The following TP73 variants were observed in gnomAD, a reference collection of about 807,000 sequenced individuals.
TP73 encodes the protein tumor protein p73.
TP73 carries 25 observed loss-of-function variants against 62.5 expected under a neutral mutation model. The observed-to-expected ratio is 0.40, with a 90% CI of 0.29 to 0.56. The LOEUF (loss-of-function observed/expected upper bound fraction) is 0.56, where lower values mean the gene tolerates loss of function less well. Among genes scored for constraint, TP73 ranks in the 20% least tolerant of loss-of-function variants. The pLI, the probability that TP73 is intolerant of heterozygous loss-of-function variation, is 0.46. For synonymous variants in TP73, 423 were observed against 377.5 expected, an observed-to-expected ratio of 1.12 and a Z score of -1.40; for missense variants, 754 against 913.3, an observed-to-expected ratio of 0.83 and a Z score of 2.25.
intron 3 of TP73, among the ~76,000 whole-genome samples, chr1:3,686,318 C>T (rs1231830462): frequency 1.3e-5 from 2 of 152,234 alleles, no homozygotes; most frequent in East Asian, 1.9e-4. Context: ...TGAGGGATGC[C>T]TTAGCCACCT....
intron 10 of TP73, chr1:3,729,650 T>C (rs1885866): frequency 0.75 from 730,223 of 977,422 alleles, 278,567 homozygotes; most frequent in Non-Finnish European, 0.8. Flanking sequence ...CCCTGGGTCA[T>C]GGCCCTTGCT....
chr1:3,719,462 T>G (rs1640883636), intron 4 of TP73, among the ~76,000 whole-genome samples: 1 of 152,230 alleles, frequency 6.6e-6, no homozygotes, highest in Non-Finnish European at 1.5e-5. Flanking sequence ...CCCCTCCTCC[T>G]TCTGTCCCCA....
intron 1 of TP73, among the ~76,000 whole-genome samples, chr1:3,653,858 G>A (rs563415443): frequency 6.6e-5 from 10 of 152,312 alleles, no homozygotes; most frequent in African/African-American, 1.4e-4. Context: ...TATGCATTAC[G>A]TATGTAGTTT....
intron 5 of TP73, 87 bp from the exon 6 acceptor site, chr1:3,723,267 C>T: frequency 8.9e-7 from 1 of 1,123,116 alleles, no homozygotes; most frequent in Non-Finnish European, 1.3e-6. Context: ...CCCTTTGAAC[C>T]CGGCACAGGG....
rs547907730 is a variant in TP73, at chr1:3,705,376, C to T, written c.187-2173C>T. 1.5e-3 allele frequency among the ~76,000 whole-genome samples: 229 copies of T among 152,334 alleles called. 1 individual carries two copies. Among genetic ancestry groups the T allele is most frequent in the African/African-American group, 5.1e-3 (214 of 41,574 alleles). On this transcript the variant is annotated intron_variant, in intron 3 of 13. Transcript: ENST00000378295. The stretch of plus-strand genomic sequence containing the variant: ...GAAGTTAGGGAGGTTGTGGGGAGCG[C>T]GACAGACCAGGAAGGAGGCTGCAGT...
chr1:3,661,900 A>T (rs1257951287), intron 1 of TP73, among the ~76,000 whole-genome samples: 9 of 145,170 alleles, frequency 6.2e-5, no homozygotes, highest in African/African-American at 1.5e-4. Flanking sequence ...TTTATTTTTT[A>T]TTTTTTTTAA....
intron 4 of TP73, among the ~76,000 whole-genome samples, chr1:3,711,834 G>A (rs3819964): frequency 0.26 from 39,352 of 149,340 alleles, 5,769 homozygotes; most frequent in East Asian, 0.37. Flanking sequence ...GTGTGTGTGC[G>A]CGAGCGTGTG....
chr1:3,699,609 C>A lies in TP73; in HGVS notation c.187-7940C>A, dbSNP rs1250752932. On this transcript the variant is annotated intron_variant, in intron 3 of 13. Coordinates refer to ENST00000378295, the MANE Select transcript of TP73 (RefSeq NM_005427.4). The surrounding 1 kb of genome is among the most constrained non-coding windows in gnomAD (Gnocchi z 4.1). ...TGTCACGGGCACACCATGCACCATGCCATGGCTGCCAGTGGTGGATGAAGA... is the reference window on the plus strand; with the variant it reads ...TGTCACGGGCACACCATGCACCATGACATGGCTGCCAGTGGTGGATGAAGA... Among the ~76,000 whole-genome samples, 1 of 152,228 alleles carries A rather than the reference C, an allele frequency of 6.6e-6. No individual in the cohort carries two copies. The highest frequency in any genetic ancestry group is 1.5e-5 in the Non-Finnish European group (1 of 68,042).
Position 3,730,075 on chromosome 1 carries a change from G to A in TP73, c.1272G>A (p.Leu424=). 1 of 1,601,786 alleles carries A rather than the reference G, an allele frequency of 6.2e-7. No individual in the cohort carries two copies. The highest frequency in any genetic ancestry group is 8.5e-7 in the Non-Finnish European group (1 of 1,174,958). ...MNKVHGGMNK[L]PSVNQLVGQP... is the part of the protein sequence containing the mutation. ...AGGTGCACGGGGGCATGAACAAGCT[G>A]CCCTCCGTCAACCAGCTGGTGGGCC... Residue 424 remains leucine, a synonymous_variant, in exon 11 of 14, where the codon CTG becomes CTA. Coordinates refer to ENST00000378295, the MANE Select transcript of TP73 (RefSeq NM_005427.4).
chr1:3,686,873 C>T (rs528864104), intron 3 of TP73, among the ~76,000 whole-genome samples: 11 of 152,262 alleles, frequency 7.2e-5, no homozygotes, highest in East Asian at 1.9e-4. Flanking sequence ...CTATAAATGG[C>T]GCTACTGAGA....
chr1:3,659,802 C>A (rs1228010074), intron 1 of TP73, among the ~76,000 whole-genome samples: 2 of 152,022 alleles, frequency 1.3e-5, no homozygotes, highest in Non-Finnish European at 2.9e-5. Flanking sequence ...CTGCCTCAGC[C>A]TCCTGGAGTT....
intron 3 of TP73, among the ~76,000 whole-genome samples, chr1:3,703,616 A>T (rs17379833): frequency 0.33 from 50,864 of 152,252 alleles, 8,870 homozygotes; most frequent in Non-Finnish European, 0.38. Flanking sequence ...CTCAGATCAT[A>T]CAAGAATGTG....
intron 1 of TP73, among the ~76,000 whole-genome samples, chr1:3,669,563 G>A (rs1239711939): frequency 1.3e-5 from 2 of 152,232 alleles, no homozygotes; most frequent in African/African-American, 2.4e-5. Flanking sequence ...GCTGGGGGCC[G>A]CCATCCTCAG....
In TP73 at chr1:3,722,065, A is replaced by C; in HGVS notation, c.474A>C (p.Thr158=). 6.2e-7 allele frequency: 1 copy of C among 1,612,524 alleles called. No homozygotes were observed. Among genetic ancestry groups the C allele is most frequent in the Non-Finnish European group, 8.5e-7 (1 of 1,179,464 alleles). ...AACTCTACTGCCAGATCGCCAAGACATGCCCCATCCAGATCAAGGTGTCCA... is the reference window on the plus strand; with the variant it reads ...AACTCTACTGCCAGATCGCCAAGACCTGCCCCATCCAGATCAAGGTGTCCA... ...LKKLYCQIAK[T]CPIQIKVSTP... Residue 158 remains threonine (T), a synonymous_variant, in exon 5 of 14, where the codon ACA becomes ACC. Transcript: ENST00000378295.
At chr1:3,695,367 G>T (rs1185084903) in intron 3 of TP73, among the ~76,000 whole-genome samples, 1 of 152,204 alleles carries the variant, frequency 6.6e-6, no homozygotes, top group Non-Finnish European at 1.5e-5. Context: ...GTTAGCCAGG[G>T]TGATGGGAGA....
chr1:3,653,838 T>C (rs1644809742), intron 1 of TP73, among the ~76,000 whole-genome samples: 1 of 152,232 alleles, frequency 6.6e-6, no homozygotes, highest in Non-Finnish European at 1.5e-5. Flanking sequence ...AATGTTGCCA[T>C]ATATGAATGT....
At chr1:3,729,474 G>C (rs1009099754) in intron 10 of TP73, 26 bp downstream of exon 10, 1 of 1,612,128 alleles carries the variant, frequency 6.2e-7, no homozygotes, top group Non-Finnish European at 8.5e-7. Context: ...CCCACCATCA[G>C]TGTGGGGAAG....
rs746922884 is a variant in TP73, at chr1:3,699,144, C to G, written c.187-8405C>G. Among the ~76,000 whole-genome samples, 2 of 152,134 alleles carry G rather than the reference C, an allele frequency of 1.3e-5. No individual in the cohort carries two copies. The highest frequency in any genetic ancestry group is 6.5e-5 in the Admixed American group (1 of 15,294). ...ACATTGTCGGGAGAGGGAGGCTTCC[C>G]CCCAGCCGCATGTCGAATCTTGTTG... On this transcript the variant is annotated intron_variant, in intron 3 of 13. Coordinates refer to ENST00000378295, the MANE Select transcript of TP73 (RefSeq NM_005427.4). This position sits in a 1 kb window ranked among gnomAD's most constrained non-coding sequence, Gnocchi z 4.1.
At chr1:3,664,723 G>C (rs1645072899) in intron 1 of TP73, among the ~76,000 whole-genome samples, 2 of 152,150 alleles carry the variant, frequency 1.3e-5, no homozygotes, top group South Asian at 2.1e-4. Flanking sequence ...GAGATGGTTG[G>C]GGGGCAGGGG....
Sources: gnomAD v4.1 joint callset for allele counts (sites outside exome capture counted in the v4.1 genomes callset) on GRCh38, gnomAD v4.1.1 for gene constraint, Gnocchi (gnomAD v3.1) non-coding constraint, MANE v1.5 for transcripts, NCBI Gene and HGNC (gene_info 2026-07-23, HGNC 2026-07-21) for gene names.